Variants in B4GALT6 observed in about 807,000 individuals in gnomAD.
The protein encoded by B4GALT6 is UDP-Gal:beta-GlcNAc beta-1,4-galactosyltransferase 6.
B4GALT6 carries 14 observed loss-of-function variants against 46.3 expected under a neutral mutation model. The observed-to-expected ratio is 0.30, with a 90% CI of 0.20 to 0.47. The LOEUF is 0.47. Ranked by LOEUF, B4GALT6 falls within the 20% of genes least tolerant of loss-of-function variation. B4GALT6 has a pLI of 0.99. For synonymous variants in B4GALT6, 168 were observed against 162.0 expected (o/e 1.04, Z -0.28); for missense variants, 386 against 480.1 (o/e 0.80, Z 1.83).
At chr18:31,653,669 A>C (rs981126379) in intron 3 of B4GALT6, among the ~76,000 whole-genome samples, 7 of 149,828 alleles carry the variant, frequency 4.7e-5, no homozygotes, top group Non-Finnish European at 1.0e-4. Context: ...CTGGTCTTGA[A>C]CTCCTGACCT....
At chr18:31,647,864 C>G (rs2074011063) in intron 3 of B4GALT6, among the ~76,000 whole-genome samples, 1 of 152,114 alleles carries the variant, frequency 6.6e-6, no homozygotes, top group East Asian at 1.9e-4. Context: ...GGACCTCTCT[C>G]AGGGATCCTG....
At chr18:31,646,445 A>G (rs1466151978) in intron 3 of B4GALT6, among the ~76,000 whole-genome samples, 3 of 152,226 alleles carry the variant, frequency 2.0e-5, no homozygotes, top group African/African-American at 7.2e-5. Context: ...CTTCAAAGCA[A>G]TGCTATCTTC....
At chr18:31,669,925 G>A (rs1004834702) in intron 1 of B4GALT6, among the ~76,000 whole-genome samples, 2 of 152,158 alleles carry the variant, frequency 1.3e-5, no homozygotes, top group African/African-American at 4.8e-5. Context: ...CAAAAAACTT[G>A]TACTTCCAGG....
chr18:31,625,795 A>G lies in B4GALT6; in HGVS notation c.1002-34T>C, dbSNP rs74719321. 7,673 of 1,541,534 alleles carry G rather than the reference A, an allele frequency of 5.0e-3. 357 individuals are homozygous for G. In the African/African-American group the frequency reaches 0.095, roughly 19 times the overall value. ...TTAGAGGAAAAAACAAAAAAGCAAC[A>G]AAACATGTTCAAAAAGGAAAACTGA... is the stretch of plus-strand genomic sequence containing the variant. On this transcript the variant is annotated intron_variant, in intron 8 of 8. Transcript: ENST00000306851.
the B4GALT6 span, among the ~76,000 whole-genome samples, chr18:31,714,208 C>T: frequency 2.0e-3 from 307 of 152,316 alleles, 1 homozygote; most frequent in African/African-American, 7.2e-3. Context: ...AGTAGTCACA[C>T]GTGATGTGTG....
chr18:31,637,697 T>C (rs1764741063), intron 5 of B4GALT6, among the ~76,000 whole-genome samples: 1 of 152,226 alleles, frequency 6.6e-6, no homozygotes, highest in South Asian at 2.1e-4. Context: ...GAATTAACTA[T>C]GCTTTGCTGT....
intron 1 of B4GALT6, among the ~76,000 whole-genome samples, chr18:31,669,267 ATTG>A (rs1335488039): frequency 6.6e-6 from 1 of 152,072 alleles, no homozygotes; most frequent in Non-Finnish European, 1.5e-5. Flanking sequence ...TTGATTTTTA[ATTG>A]TTTTCTCCCC....
At position 31,625,522 on chromosome 18, in the gene B4GALT6, T is replaced by A; in HGVS notation, c.*92A>T. 1 of 1,430,794 alleles carries A rather than the reference T, an allele frequency of 7.0e-7. No individual in the cohort carries two copies. Among genetic ancestry groups the A allele is most frequent in the Non-Finnish European group, 9.7e-7 (1 of 1,028,834 alleles). The allele number at this position is 1,430,794 out of a possible 1,614,324, so 88.6% of individuals were successfully genotyped here. ...TGGCTCTTCTCAGAGAAAAGGGCAC[T>A]GTGACACAGCCAATCACTGACCTCC... On this transcript the variant is annotated 3_prime_UTR_variant, in exon 9 of 9. Transcript: ENST00000306851.
At chr18:31,690,361 C>T (rs8084785), upstream of B4GALT6, among the ~76,000 whole-genome samples, 17,058 of 152,006 alleles carry the variant, frequency 0.11, 2,066 homozygotes, top group African/African-American at 0.29. Context: ...AAACTCCTGA[C>T]CTCAGGTGAT....
chr18:31,701,313 T>G, the B4GALT6 span, among the ~76,000 whole-genome samples: 2 of 152,202 alleles, frequency 1.3e-5, no homozygotes, highest in Admixed American at 1.3e-4. Flanking sequence ...GCTCTGGCCA[T>G]GTAAGACATT....
chr18:31,702,268 A>G, the B4GALT6 span, among the ~76,000 whole-genome samples: 2 of 152,364 alleles, frequency 1.3e-5, no homozygotes, highest in African/African-American at 4.8e-5. Context: ...TGTAGCAATT[A>G]TTATTTTTAA....
chr18:31,661,737 T>C (rs1394778380), intron 2 of B4GALT6, among the ~76,000 whole-genome samples: 1 of 152,176 alleles, frequency 6.6e-6, no homozygotes, highest in Non-Finnish European at 1.5e-5. Context: ...AACTATGATA[T>C]AACAATATTT....
chr18:31,688,258 T>TATAC (rs1555643341), upstream of B4GALT6, among the ~76,000 whole-genome samples: 1 of 148,598 alleles, frequency 6.7e-6, no homozygotes, highest in African/African-American at 2.5e-5. Flanking sequence ...TATATATATA[T>TATAC]ACATATATAT....
chr18:31,635,717 C>G (rs2144532037), intron 5 of B4GALT6, among the ~76,000 whole-genome samples: 1 of 152,260 alleles, frequency 6.6e-6, no homozygotes, highest in Non-Finnish European at 1.5e-5. Context: ...ACTCGAGAGG[C>G]TGAGACAGGA....
intron 1 of B4GALT6, among the ~76,000 whole-genome samples, chr18:31,680,768 G>A (rs1243347085): frequency 6.6e-6 from 1 of 152,188 alleles, no homozygotes; most frequent in Non-Finnish European, 1.5e-5. Context: ...TCTCTGCCAG[G>A]AATTTTAGAG....
At chr18:31,658,118 A>AG (rs1447890932) in intron 2 of B4GALT6, 29 bp from the exon 3 acceptor site, 1 of 1,543,840 alleles carries the variant, frequency 6.5e-7, no homozygotes, top group Non-Finnish European at 8.8e-7. Context: ...AGTTACAAAA[A>AG]AAAAAAAAAG....
In B4GALT6 at chr18:31,658,019, T is replaced by C. The variant is rs749635114; in HGVS notation, c.303A>G (p.Thr101=). The stretch of plus-strand genomic sequence containing the variant: ...CTGGACAGGGGAGGTATGGTGAGTA[T>C]GTGAAGTTTTCCGGGAGATACGTTG... ...QTTTYLPENF[T]YSPYLPCPEK... is the part of the protein sequence containing the mutation. The change falls in exon 3 of 9, where the codon ACA becomes ACG. Residue 101 remains threonine (T), a synonymous_variant. Coordinates refer to ENST00000306851, the MANE Select transcript of B4GALT6 (RefSeq NM_004775.5). The C allele has an allele frequency of 5.6e-6, 9 of 1,613,602 alleles. No homozygotes were observed. The highest frequency in any genetic ancestry group is 7.6e-6 in the Non-Finnish European group (9 of 1,179,852).
rs1212016331 is a variant in B4GALT6 at position 31,623,951 on chromosome 18, CATT to C, written c.*1660_*1662del. 2 of 152,090 alleles carry C rather than the reference CATT, an allele frequency of 1.3e-5. No individual in the cohort carries two copies. Among genetic ancestry groups the C allele is most frequent in the Non-Finnish European group, 2.9e-5 (2 of 67,856 alleles). The allele number at this position is 152,090 out of a possible 1,614,324, so 9.4% of individuals were successfully genotyped here. A position where few individuals can be genotyped will look rare whatever the true frequency, so the allele number is the denominator to read the frequency against. On this transcript the variant is annotated 3_prime_UTR_variant, in exon 9 of 9. Transcript: ENST00000306851. The stretch of plus-strand genomic sequence containing the variant: ...TCATATATAGATTTCTATTGCTCAT[CATT>C]GTTGTTGAACATTCACTTTATAGAT...
At chr18:31,626,433 A>C in intron 7 of B4GALT6, 49 bp from the exon 8 acceptor site, 3 of 1,112,548 alleles carry the variant, frequency 2.7e-6, no homozygotes, top group Non-Finnish European at 2.7e-6. Context: ...AAAATATGAA[A>C]ATGGGTTATG....
Sources: gnomAD v4.1 joint callset for allele counts (sites outside exome capture counted in the v4.1 genomes callset) on GRCh38, gnomAD v4.1.1 for gene constraint, MANE v1.5 for transcripts, NCBI Gene and HGNC (gene_info 2026-07-23, HGNC 2026-07-21) for gene names.